Variants in SRL observed in about 807,000 individuals in gnomAD.
SRL encodes sarcalumenin.
A neutral mutation model predicts 39.5 loss-of-function variants in SRL; 23 were observed. The observed-to-expected ratio is 0.58, with a 90% CI of 0.42 to 0.82. The LOEUF is 0.82. Among genes scored for constraint, SRL ranks in the 40% least tolerant of loss-of-function variants. The pLI, the probability that SRL is intolerant of heterozygous loss-of-function variation, is 0.00. For synonymous variants in SRL, 272 were observed against 237.4 expected, an observed-to-expected ratio of 1.15 and a Z score of -1.34; for missense variants, 592 against 607.8, an observed-to-expected ratio of 0.97 and a Z score of 0.27.
chr16:4,229,239 C>A (rs961781869), intron 1 of SRL, among the ~76,000 whole-genome samples: 1 of 151,972 alleles, frequency 6.6e-6, no homozygotes, highest in South Asian at 2.1e-4. Flanking sequence ...GACAGGAGAT[C>A]GAGACCATCC....
At chr16:4,230,236 G>T (rs573105978) in intron 1 of SRL, among the ~76,000 whole-genome samples, 1 of 151,758 alleles carries the variant, frequency 6.6e-6, no homozygotes, top group Admixed American at 6.6e-5. Context: ...AGATCAGCCA[G>T]GGGGGGCAAC....
chr16:4,217,155 T>C (rs1231329234), intron 1 of SRL, among the ~76,000 whole-genome samples: 1 of 152,190 alleles, frequency 6.6e-6, no homozygotes, highest in Non-Finnish European at 1.5e-5. Context: ...CGGCTATGCC[T>C]TTTCTTTCTT....
At position 4,215,385 on chromosome 16, in the gene SRL, C is replaced by A. The variant is rs148027285; in HGVS notation, c.62-10751G>T. Among the ~76,000 whole-genome samples the A allele has an allele frequency of 4.7e-3, 723 of 152,288 alleles. 3 individuals are homozygous for A. Among genetic ancestry groups the A allele is most frequent in the African/African-American group, 0.014 (589 of 41,556 alleles). ...AATGATTCATCCAGGGAATCAGATA[C>A]AATGACAAAAGTATGACAGGGTACA... On this transcript the variant is annotated intron_variant, in intron 1 of 5. Coordinates refer to ENST00000399609, the MANE Select transcript of SRL (RefSeq NM_001098814.2).
At chr16:4,206,106 G>A (rs1039994869) in intron 1 of SRL, among the ~76,000 whole-genome samples, 9 of 152,140 alleles carry the variant, frequency 5.9e-5, no homozygotes, top group Admixed American at 2.6e-4. Flanking sequence ...ACCGACCCTC[G>A]TATTGGCTGC....
In SRL at chr16:4,191,938, T is replaced by C. The variant is rs533792663; in HGVS notation, c.*215A>G. ...GACTTGCCTCAATCAGGCCTCCTCA[T>C]TGAAGCAACAAGACAAGCACACAGG... is the stretch of plus-strand genomic sequence containing the variant. On this transcript the variant is annotated 3_prime_UTR_variant, in exon 6 of 6. Coordinates refer to ENST00000399609, the MANE Select transcript of SRL (RefSeq NM_001098814.2). 23 of 503,436 alleles carry C rather than the reference T, an allele frequency of 4.6e-5. No individual in the cohort carries two copies. In the South Asian group the frequency reaches 9.2e-4, roughly 20 times the overall value. The allele number at this position is 503,436 out of a possible 1,614,324, so 31.2% of individuals were successfully genotyped here. A position where few individuals can be genotyped will look rare whatever the true frequency, so the allele number is the denominator to read the frequency against.
At chr16:4,236,571 G>A (rs1053578654) in intron 1 of SRL, among the ~76,000 whole-genome samples, 1 of 151,838 alleles carries the variant, frequency 6.6e-6, no homozygotes, top group Non-Finnish European at 1.5e-5. Context: ...TCCCTCCTAA[G>A]CTCCAGTCCT....
intron 5 of SRL, among the ~76,000 whole-genome samples, chr16:4,194,419 A>G (rs528405921): frequency 6.6e-6 from 1 of 152,228 alleles, no homozygotes; most frequent in South Asian, 2.1e-4. Context: ...TTCCCCTGCT[A>G]CCTGAGGGCA....
At chr16:4,217,507 G>A (rs1390210038) in intron 1 of SRL, among the ~76,000 whole-genome samples, 3 of 152,122 alleles carry the variant, frequency 2.0e-5, no homozygotes, top group Admixed American at 6.5e-5. Context: ...CAGCCTTAGC[G>A]TCTCAAAGTG....
chr16:4,204,538 T>C lies in SRL; in HGVS notation c.158A>G (p.Tyr53Cys), dbSNP rs757404465. 5 of 1,611,798 alleles carry C rather than the reference T, an allele frequency of 3.1e-6. No individual in the cohort carries two copies. The South Asian group carries it at 4.4e-5, about 14-fold the overall frequency. ...MLNEDKPSDD[Y>C]SAVLQRLRKI... is the part of the protein sequence containing the mutation. The stretch of plus-strand genomic sequence containing the variant: ...TATCTCCCTCCCCTGGTTACCAGAG[T>C]AGTCATCGGATGGCTTGTCCTCATT... Residue 53 changes from tyrosine (Y) to cysteine (C), a missense_variant, in exon 2 of 6, where the codon TAC becomes TGC. Transcript: ENST00000399609.
At chr16:4,208,549 A>T (rs2052355111) in intron 1 of SRL, among the ~76,000 whole-genome samples, 1 of 152,182 alleles carries the variant, frequency 6.6e-6, no homozygotes, top group South Asian at 2.1e-4. Flanking sequence ...GAAGGGACAA[A>T]TGCTTGTGCA....
intron 1 of SRL, among the ~76,000 whole-genome samples, chr16:4,223,741 C>G (rs1055883228): frequency 6.6e-6 from 1 of 152,056 alleles, no homozygotes; most frequent in Non-Finnish European, 1.5e-5. Context: ...CACTAACATC[C>G]GAGAACCACC....
At chr16:4,229,764 T>C (rs2052638718) in intron 1 of SRL, among the ~76,000 whole-genome samples, 1 of 151,920 alleles carries the variant, frequency 6.6e-6, no homozygotes, top group African/African-American at 2.4e-5. Flanking sequence ...CCTGCACACG[T>C]CCCCCCTGAA....
At chr16:4,204,274 A>G (rs2052280915) in intron 2 of SRL, among the ~76,000 whole-genome samples, 1 of 152,176 alleles carries the variant, frequency 6.6e-6, no homozygotes, top group African/African-American at 2.4e-5. Flanking sequence ...CAGGCCGTCT[A>G]CTTGGATGGC....
intron 1 of SRL, among the ~76,000 whole-genome samples, chr16:4,224,626 G>C (rs1402477337): frequency 6.6e-6 from 1 of 152,036 alleles, no homozygotes. Flanking sequence ...CGGGAGGATG[G>C]CTTGAGCCCA....
Position 4,192,960 on chromosome 16 carries a change from G to T in SRL, c.615C>A (p.Tyr205Ter), listed in dbSNP as rs2052088983. The change falls in exon 6 of 6, where the codon TAC (tyrosine) becomes TAA (stop). Residue 205 changes from tyrosine to a stop codon, truncating the protein, a stop_gained. Transcript: ENST00000399609. LOFTEE classifies it high-confidence loss of function. This position sits in a 1 kb window ranked among gnomAD's most constrained non-coding sequence, Gnocchi z 4.0. Reference protein sequence around the residue: ...IENRKQQERGYPFNDVCQWFI... With the variant: ...IENRKQQERG Reference sequence around the variant, plus strand: ...ACCACTGGCACACGTCGTTGAAGGGGTAGCCTTTGGGAGACAGAAGTGAGA... The same window carrying T: ...ACCACTGGCACACGTCGTTGAAGGGTTAGCCTTTGGGAGACAGAAGTGAGA... The T allele has an allele frequency of 6.2e-7, 1 of 1,607,038 alleles. No individual in the cohort carries two copies. Among genetic ancestry groups the T allele is most frequent in the South Asian group, 1.1e-5 (1 of 90,896 alleles).
intron 1 of SRL, among the ~76,000 whole-genome samples, chr16:4,210,114 C>T (rs2052374456): frequency 6.6e-6 from 1 of 152,216 alleles, no homozygotes; most frequent in Admixed American, 6.5e-5. Context: ...GGTCCGCGGT[C>T]AGATTGGGGT....
At chr16:4,222,925 C>G (rs1274622766) in intron 1 of SRL, among the ~76,000 whole-genome samples, 1 of 151,916 alleles carries the variant, frequency 6.6e-6, no homozygotes, top group East Asian at 1.9e-4. Flanking sequence ...GAAGCCCCGT[C>G]TCTACTAAAA....
Position 4,192,810 on chromosome 16 carries a change from G to C in SRL, c.765C>G (p.Asn255Lys). The change falls in exon 6 of 6, where the codon AAC becomes AAG. Residue 255 changes from asparagine to lysine, a missense_variant. By Grantham distance (94) the Asn-to-Lys change is moderately conservative (BLOSUM62 0). Transcript: ENST00000399609. The surrounding 1 kb of genome is among the most constrained non-coding windows in gnomAD (Gnocchi z 4.0). ...GRESQIRIIL[N>K]KADNLATQML... ...TTTGGGTGGCCAGATTGTCAGCCTTGTTCAGGATGATCCTTATCTGGGATT... is the reference window on the plus strand; with the variant it reads ...TTTGGGTGGCCAGATTGTCAGCCTTCTTCAGGATGATCCTTATCTGGGATT... The C allele has an allele frequency of 5.0e-6, 8 of 1,614,208 alleles. No homozygotes were observed. Among genetic ancestry groups the C allele is most frequent in the Non-Finnish European group, 6.8e-6 (8 of 1,180,042 alleles).
In SRL at chr16:4,200,861, C is replaced by T. The variant is rs569170532; in HGVS notation, c.259+2305G>A. 1.2e-4 allele frequency among the ~76,000 whole-genome samples: 18 copies of T among 152,252 alleles called. No homozygotes were observed. The South Asian group carries it at 2.1e-3, about 18-fold the overall frequency. ...AGGAAGAATACAAACCCTATTACACCCTGGCCACTTACAGCCATCCAGAGC... is the reference window on the plus strand; with the variant it reads ...AGGAAGAATACAAACCCTATTACACTCTGGCCACTTACAGCCATCCAGAGC... On this transcript the variant is annotated intron_variant, in intron 3 of 5. Transcript: ENST00000399609.
Sources: gnomAD v4.1 joint callset for allele counts (sites outside exome capture counted in the v4.1 genomes callset) on GRCh38, gnomAD v4.1.1 for gene constraint, Gnocchi (gnomAD v3.1) non-coding constraint, MANE v1.5 for transcripts, NCBI Gene and HGNC (gene_info 2026-07-23, HGNC 2026-07-21) for gene names.